The following ZNF257 variants were observed in gnomAD, a reference collection of about 807,000 sequenced individuals.
ZNF257 encodes the protein zinc finger protein 257.
A neutral mutation model predicts 11.9 loss-of-function variants in ZNF257; 12 were observed. The ratio of observed to expected loss-of-function variants is 1.01; its 90% CI spans 0.65 to 1.63. The LOEUF (loss-of-function observed/expected upper bound fraction) is 1.63, where lower values mean the gene tolerates loss of function less well. Ranked by LOEUF, ZNF257 falls within the 40% of genes most tolerant of loss-of-function variation. ZNF257 has a pLI of 0.00. For missense variants in ZNF257, 580 were observed against 665.5 expected (o/e 0.87, Z 1.41); for synonymous variants, 183 against 222.7 (o/e 0.82, Z 1.59).
At chr19:22,071,280 T>C (rs927050159) in intron 1 of ZNF257, among the ~76,000 whole-genome samples, 3 of 152,120 alleles carry the variant, frequency 2.0e-5, no homozygotes, top group Non-Finnish European at 4.4e-5. Context: ...GAGAAGCTCA[T>C]TGTTCCTGAA....
At chr19:22,081,959 T>C (rs1393327389) in intron 3 of ZNF257, among the ~76,000 whole-genome samples, 1 of 152,128 alleles carries the variant, frequency 6.6e-6, no homozygotes, top group Non-Finnish European at 1.5e-5. Context: ...TTGCTTAATT[T>C]TATAGTGACA....
rs368126672 is a variant in ZNF257, at chr19:22,088,682, C to T, written c.932C>T (p.Thr311Ile). ...CTTACTCAACATAAGAGAATTCATA[C>T]TGGAGAGAAACCCTACAAATGTGAA... is the stretch of plus-strand genomic sequence containing the variant. ...TTLTQHKRIH[T>I]GEKPYKCEEC... The change falls in exon 4 of 4, where the codon ACT (threonine) becomes ATT (isoleucine). Residue 311 changes from threonine to isoleucine, a missense_variant. Thr to Ile is a moderately conservative substitution (Grantham distance 89). Coordinates refer to ENST00000594947, the MANE Select transcript of ZNF257 (RefSeq NM_033468.4). 7.4e-6 allele frequency: 12 copies of T among 1,612,746 alleles called. No individual in the cohort carries two copies. Among genetic ancestry groups the T allele is most frequent in the African/African-American group, 5.4e-5 (4 of 74,488 alleles).
At chr19:22,076,878 C>G (rs1481484679) in intron 3 of ZNF257, among the ~76,000 whole-genome samples, 1 of 152,104 alleles carries the variant, frequency 6.6e-6, no homozygotes, top group Non-Finnish European at 1.5e-5. Flanking sequence ...TTAGTAGAGT[C>G]AGGGTTTCAC....
intron 1 of ZNF257, among the ~76,000 whole-genome samples, chr19:22,070,107 G>A (rs2022064282): frequency 1.3e-5 from 2 of 151,632 alleles, no homozygotes; most frequent in Non-Finnish European, 2.9e-5. Context: ...TCCAAAAGCA[G>A]ATAAATGGGA....
rs1452551544 is a variant in ZNF257, at chr19:22,052,541, CT to C, written c.-90del. The stretch of plus-strand genomic sequence containing the variant: ...TCTCGTCTTCCCTGGTCTGTGTCCT[CT>C]TCTCCTAGGGGCCCAGCCTCTGTGG... On this transcript the variant is annotated 5_prime_UTR_variant, in exon 1 of 4. Transcript: ENST00000594947. The C allele has an allele frequency of 1.5e-5, 23 of 1,501,040 alleles. No individual in the cohort carries two copies. In the Admixed American group the frequency reaches 3.9e-4, roughly 26 times the overall value. The allele number at this position is 1,501,040 out of a possible 1,614,324, so 93.0% of individuals were successfully genotyped here.
chr19:22,068,931 CTT>C (rs1314410095), intron 1 of ZNF257, among the ~76,000 whole-genome samples: 1 of 152,012 alleles, frequency 6.6e-6, no homozygotes, highest in Non-Finnish European at 1.5e-5. Context: ...ACCTAGGTGT[CTT>C]TGAGACATTT....
intron 1 of ZNF257, among the ~76,000 whole-genome samples, chr19:22,053,840 G>A (rs1427875692): frequency 1.3e-5 from 2 of 151,900 alleles, no homozygotes; most frequent in Admixed American, 1.3e-4. Context: ...CAGGAGAATC[G>A]CTTGAACCCA....
intron 1 of ZNF257, among the ~76,000 whole-genome samples, chr19:22,057,469 G>A (rs138815072): frequency 1.3e-3 from 202 of 152,032 alleles, no homozygotes; most frequent in African/African-American, 4.6e-3. Context: ...CTGGAAAGCC[G>A]GGGATCCACA....
intron 3 of ZNF257, among the ~76,000 whole-genome samples, chr19:22,084,422 A>G (rs1283546935): frequency 2.7e-5 from 4 of 150,926 alleles, no homozygotes; most frequent in African/African-American, 7.3e-5. Context: ...AGGAATTATA[A>G]TGCCTCCAAC....
chr19:22,082,633 T>C (rs548343643), intron 3 of ZNF257, among the ~76,000 whole-genome samples: 1 of 152,308 alleles, frequency 6.6e-6, no homozygotes, highest in African/African-American at 2.4e-5. Flanking sequence ...TGGGAAGTAC[T>C]TAGTCTTTTT....
At chr19:22,084,197 A>G (rs906205816) in intron 3 of ZNF257, among the ~76,000 whole-genome samples, 4 of 151,880 alleles carry the variant, frequency 2.6e-5, no homozygotes, top group Admixed American at 6.6e-5. Flanking sequence ...TTCAAATTAT[A>G]TCTATTGAAT....
In ZNF257 at chr19:22,088,988, C is replaced by T. The variant is rs1422303007; in HGVS notation, c.1238C>T (p.Ser413Leu). 2.5e-6 allele frequency: 4 copies of T among 1,611,842 alleles called. No individual in the cohort carries two copies. Among genetic ancestry groups the T allele is most frequent in the Non-Finnish European group, 1.7e-6 (2 of 1,179,470 alleles). ...DEYCKAFNWS[S>L]ALTTLTQHKI... ...TATTGCAAAGCTTTTAACTGGTCCTCAGCTCTTACTACCCTTACTCAGCAT... is the reference window on the plus strand; with the variant it reads ...TATTGCAAAGCTTTTAACTGGTCCTTAGCTCTTACTACCCTTACTCAGCAT... Residue 413 changes from serine (S) to leucine (L), a missense_variant, in exon 4 of 4, where the codon TCA becomes TTA. Ser to Leu is a moderately radical substitution (Grantham distance 145). Transcript: ENST00000594947.
chr19:22,073,522 C>G lies in ZNF257; in HGVS notation c.184C>G (p.Pro62Ala), dbSNP rs1450501600. Residue 62 changes from proline (P) to alanine (A), a missense_variant, in exon 3 of 4, where the codon CCC (proline) becomes GCC (alanine). By Grantham distance (27) the Pro-to-Ala change is conservative (BLOSUM62 -1). Coordinates refer to ENST00000594947, the MANE Select transcript of ZNF257 (RefSeq NM_033468.4). ...CACCTGTCTGGAGCAAGGAAAAGAG[C>G]CCTGTAATATGAAGAGACATGAGAT... ...LITCLEQGKE[P>A]CNMKRHEMVA... 1.2e-6 allele frequency: 2 copies of G among 1,612,000 alleles called. No homozygotes were observed. The highest frequency in any genetic ancestry group is 1.7e-5 in the Admixed American group (1 of 59,790).
At chr19:22,076,544 C>G (rs2022227053) in intron 3 of ZNF257, among the ~76,000 whole-genome samples, 1 of 152,072 alleles carries the variant, frequency 6.6e-6, no homozygotes, top group Non-Finnish European at 1.5e-5. Flanking sequence ...ACCTGCCTTC[C>G]ATGAGTACAC....
chr19:22,080,307 C>A (rs923619585), intron 3 of ZNF257, among the ~76,000 whole-genome samples: 2 of 152,096 alleles, frequency 1.3e-5, no homozygotes, highest in African/African-American at 2.4e-5. Context: ...AATGTAAGAC[C>A]AGTGGGAGGT....
intron 1 of ZNF257, among the ~76,000 whole-genome samples, chr19:22,068,886 G>A (rs556514813): frequency 2.6e-5 from 4 of 152,262 alleles, no homozygotes; most frequent in East Asian, 1.9e-4. Context: ...CAATTGGGCC[G>A]TCAGCACACG....
chr19:22,086,381 A>G (rs2022476440), intron 3 of ZNF257, among the ~76,000 whole-genome samples: 3 of 152,094 alleles, frequency 2.0e-5, no homozygotes. Context: ...TTGTATATTT[A>G]TTAACAGATA....
intron 1 of ZNF257, among the ~76,000 whole-genome samples, chr19:22,071,678 C>T (rs1055212181): frequency 6.6e-6 from 1 of 152,012 alleles, no homozygotes; most frequent in Non-Finnish European, 1.5e-5. Context: ...TATACCAGAG[C>T]CTTCTACATC....
intron 3 of ZNF257, chr19:22,087,650 A>C (rs1295832985): frequency 5.0e-6 from 5 of 1,008,154 alleles, no homozygotes; most frequent in Non-Finnish European, 6.4e-6. Flanking sequence ...TTGGCAATTT[A>C]CTTCTAAGGG....
Sources: gnomAD v4.1 joint callset for allele counts (sites outside exome capture counted in the v4.1 genomes callset) on GRCh38, gnomAD v4.1.1 for gene constraint, MANE v1.5 for transcripts, NCBI Gene and HGNC (gene_info 2026-07-23, HGNC 2026-07-21) for gene names.